RNF146: variants seen among roughly 807,000 people sequenced by gnomAD.
RNF146 encodes the protein ring finger protein 146.
Under a neutral mutation model 29.7 loss-of-function variants are expected in RNF146, and 11 were observed. The observed-to-expected ratio is 0.37, with a 90% CI of 0.23 to 0.61. The LOEUF (loss-of-function observed/expected upper bound fraction) is 0.61, where lower values mean the gene tolerates loss of function less well. RNF146 is among the 20% of genes least tolerant of loss of function. RNF146 has a pLI of 0.66. For synonymous variants in RNF146, 150 were observed against 159.7 expected (o/e 0.94, Z 0.46); for missense variants, 342 against 438.9 (o/e 0.78, Z 1.97).
chr6:127,272,782 T>G (rs1487996827), intron 1 of RNF146, among the ~76,000 whole-genome samples: 1 of 152,206 alleles, frequency 6.6e-6, no homozygotes, highest in Non-Finnish European at 1.5e-5. Context: ...CTTGCACAAT[T>G]GAAAATCTGA....
intron 1 of RNF146, among the ~76,000 whole-genome samples, chr6:127,279,058 A>G (rs1216616476): frequency 6.6e-6 from 1 of 151,540 alleles, no homozygotes; most frequent in African/African-American, 2.4e-5. Context: ...TTGCCAAGAT[A>G]CTCTCCCATT....
chr6:127,274,049 G>GTT (rs1283283459), intron 1 of RNF146, among the ~76,000 whole-genome samples: 1 of 152,078 alleles, frequency 6.6e-6, no homozygotes, highest in African/African-American at 2.4e-5. Flanking sequence ...TTGTGTGTGT[G>GTT]TGTGTTTTCT....
intron 1 of RNF146, among the ~76,000 whole-genome samples, chr6:127,275,950 T>C (rs1778152059): frequency 6.6e-6 from 1 of 152,112 alleles, no homozygotes; most frequent in South Asian, 2.1e-4. Flanking sequence ...TAAGGAGCTT[T>C]GTCTTTATTG....
rs551263290 is a variant in RNF146 at position 127,284,351 on chromosome 6, A to G, written c.3-2265A>G. ...ATGAAGATGTTGCTGTTGTTTTTCC[A>G]AAGTAATGGTGGTCATCAGCCCATT... is the stretch of plus-strand genomic sequence containing the variant. On this transcript the variant is annotated intron_variant, in intron 2 of 2. Transcript: ENST00000368314. Among the ~76,000 whole-genome samples the G allele has an allele frequency of 2.0e-5, 3 of 151,976 alleles. No homozygotes were observed. In the South Asian group the frequency reaches 6.2e-4, roughly 31 times the overall value.
chr6:127,280,575 T>G, intron 2 of RNF146: 1 of 1,196,904 alleles, frequency 8.4e-7, no homozygotes, highest in Non-Finnish European at 1.0e-6. Context: ...CACAGGAGTT[T>G]GCTCAAAGAA....
intron 1 of RNF146, among the ~76,000 whole-genome samples, chr6:127,276,409 A>ACATTCT (rs1314131818): frequency 1.3e-5 from 2 of 151,998 alleles, no homozygotes; most frequent in East Asian, 3.9e-4. Flanking sequence ...GAGAGAAAGG[A>ACATTCT]CTTTCTCTTT....
intron 1 of RNF146, among the ~76,000 whole-genome samples, chr6:127,271,192 ATATAT>A (rs1169749065): frequency 6.6e-6 from 1 of 152,156 alleles, no homozygotes; most frequent in East Asian, 1.9e-4. Flanking sequence ...CATACAAAAC[ATATAT>A]TAATCCACTG....
At chr6:127,282,117 C>T (rs912252328) in intron 2 of RNF146, among the ~76,000 whole-genome samples, 3 of 151,676 alleles carry the variant, frequency 2.0e-5, no homozygotes, top group Non-Finnish European at 4.4e-5. Context: ...AACTTTTGCA[C>T]CACACAAAAG....
At position 127,286,213 on chromosome 6, in the gene RNF146, C is replaced by A. The variant is rs937268511; in HGVS notation, c.3-403C>A. The A allele has an allele frequency of 3.9e-5, 48 of 1,227,702 alleles. No homozygotes were observed. The African/African-American group carries it at 6.9e-4, about 18-fold the overall frequency. 76.1% of individuals were successfully genotyped at this position (1,227,702 alleles called of 1,614,324 possible). On this transcript the variant is annotated intron_variant, in intron 2 of 2. Transcript: ENST00000368314. This position sits in a 1 kb window ranked among gnomAD's most constrained non-coding sequence, Gnocchi z 4.6. ...TTAGACTAATGGTTTAACTGAGTGC[C>A]TAAGAGCACATAATTAATAAAGGAC...
At chr6:127,267,439 C>T (rs1221522163) in intron 1 of RNF146, among the ~76,000 whole-genome samples, 1 of 152,184 alleles carries the variant, frequency 6.6e-6, no homozygotes, top group Non-Finnish European at 1.5e-5. Flanking sequence ...GGTGTAGGGG[C>T]GGCGATGGTT....
chr6:127,280,960 T>C (rs146418667), intron 2 of RNF146, among the ~76,000 whole-genome samples: 114 of 151,852 alleles, frequency 7.5e-4, no homozygotes, highest in Non-Finnish European at 1.3e-3. Context: ...TTCTGTTTTC[T>C]AAATTCATAT....
intron 1 of RNF146, among the ~76,000 whole-genome samples, chr6:127,269,951 T>C (rs1777228372): frequency 6.6e-6 from 1 of 152,162 alleles, no homozygotes; most frequent in African/African-American, 2.4e-5. Flanking sequence ...ATTAGAAAAA[T>C]ACAGTAAGTC....
chr6:127,267,374 T>C (rs1751259097), intron 1 of RNF146, among the ~76,000 whole-genome samples: 1 of 152,046 alleles, frequency 6.6e-6, no homozygotes, highest in South Asian at 2.1e-4. Flanking sequence ...CGGGTCCCTC[T>C]CCTCCCCTCT....
intron 1 of RNF146, among the ~76,000 whole-genome samples, chr6:127,272,855 GTTGT>G (rs1777689700): frequency 1.3e-5 from 2 of 152,150 alleles, no homozygotes; most frequent in African/African-American, 2.4e-5. Context: ...CAGTTAACAC[GTTGT>G]TTGTTATATG....
In RNF146 at chr6:127,286,638, G is replaced by C. The variant is rs770825666; in HGVS notation, c.25G>C (p.Asp9His). ...TAGGATGGCTGGCTGTGGTGAAATT[G>C]ATCATTCAATAAACATGCTTCCTAC... MMAGCGEI[D>H]HSINMLPTNR... Residue 9 changes from aspartate to histidine, a missense_variant, in exon 3 of 3, where the codon GAT becomes CAT. Asp to His is a moderately conservative substitution (Grantham distance 81). Around this residue, in one of 6 missense-constraint regions of RNF146, gnomAD observed 39 missense variants for 43.1 expected, o/e 0.90. Transcript: ENST00000368314. This position sits in a 1 kb window ranked among gnomAD's most constrained non-coding sequence, Gnocchi z 4.6. 1.2e-6 allele frequency: 2 copies of C among 1,609,026 alleles called. No homozygotes were observed. Among genetic ancestry groups the C allele is most frequent in the Non-Finnish European group, 1.7e-6 (2 of 1,177,342 alleles).
intron 1 of RNF146, among the ~76,000 whole-genome samples, chr6:127,267,401 C>T (rs928067681): frequency 9.2e-5 from 14 of 152,142 alleles, no homozygotes; most frequent in South Asian, 4.1e-4. Context: ...TGGTTTTAGG[C>T]CTTTACCCGG....
chr6:127,285,847 T>C (rs1420560958), intron 2 of RNF146, among the ~76,000 whole-genome samples: 1 of 152,028 alleles, frequency 6.6e-6, no homozygotes, highest in Non-Finnish European at 1.5e-5. Context: ...TGTAATTATC[T>C]GCATGTATGT....
intron 1 of RNF146, among the ~76,000 whole-genome samples, chr6:127,279,079 T>C (rs1778608376): frequency 6.6e-6 from 1 of 151,938 alleles, no homozygotes. Context: ...CTGCAGTTTG[T>C]CTTTTTATTT....
rs536060833 is a variant in RNF146 at position 127,276,626 on chromosome 6, T to C, written c.-108-3605T>C. The stretch of plus-strand genomic sequence containing the variant: ...GAACTGGATAAAGGAAAGGAGATGG[T>C]CAAGAGATGGTAGGTCCCCATGAAA... On this transcript the variant is annotated intron_variant, in intron 1 of 2. Transcript: ENST00000368314. 2.6e-5 allele frequency among the ~76,000 whole-genome samples: 4 copies of C among 151,968 alleles called. No individual in the cohort carries two copies. The South Asian group carries it at 8.3e-4, about 32-fold the overall frequency.
Sources: allele counts gnomAD v4.1 joint callset (sites outside exome capture counted in the v4.1 genomes callset), GRCh38; gene constraint gnomAD v4.1.1; regional missense constraint gnomAD v4.1.1; non-coding constraint Gnocchi (gnomAD v3.1); transcripts MANE v1.5; gene names NCBI Gene and HGNC (gene_info 2026-07-23, HGNC 2026-07-21).